Variants in C19orf47 observed in about 807,000 individuals in gnomAD.
C19orf47 encodes uncharacterized protein C19orf47.
In C19orf47, 18 loss-of-function variants were observed where a neutral mutation model predicts 32.3. That is an observed-to-expected ratio of 0.56 (90% CI 0.39 to 0.83). The LOEUF is 0.83. Ranked by LOEUF, C19orf47 falls within the 40% of genes least tolerant of loss-of-function variation. The probability of loss-of-function intolerance (pLI) is 0.00; values close to 1 mark genes in which losing one functional copy is unlikely to be tolerated. For synonymous variants in C19orf47, 202 were observed against 211.1 expected, an observed-to-expected ratio of 0.96 and a Z score of 0.37; for missense variants, 484 against 531.6, an observed-to-expected ratio of 0.91 and a Z score of 0.88.
At chr19:40,312,329 C>T in the C19orf47 span, among the ~76,000 whole-genome samples, 11 of 152,128 alleles carry the variant, frequency 7.2e-5, no homozygotes, top group African/African-American at 2.2e-4. Context: ...GGTCGGATCA[C>T]GAGGTCGAGA....
intron 7 of C19orf47, among the ~76,000 whole-genome samples, chr19:40,325,234 C>T (rs2077804859): frequency 6.6e-6 from 1 of 150,846 alleles, no homozygotes; most frequent in Non-Finnish European, 1.5e-5. Context: ...TGTGCCACTG[C>T]ACTCCAGCCT....
At chr19:40,315,104 A>G (rs1267426644), downstream of C19orf47, among the ~76,000 whole-genome samples, 1 of 152,216 alleles carries the variant, frequency 6.6e-6, no homozygotes, top group Admixed American at 6.6e-5. Flanking sequence ...AAATGTCTGG[A>G]GCCAGAATGT....
chr19:40,327,975 G>A (rs1203581397), intron 6 of C19orf47, among the ~76,000 whole-genome samples: 2 of 152,190 alleles, frequency 1.3e-5, no homozygotes, highest in Non-Finnish European at 1.5e-5. Flanking sequence ...TTACAGCCCA[G>A]GGGGTTACAG....
At position 40,348,217 on chromosome 19, in the gene C19orf47, G is replaced by GT. The variant is rs1425138896; in HGVS notation, c.-34+106dup. The GT allele has an allele frequency of 7.2e-6, 5 of 694,804 alleles. No individual in the cohort carries two copies. In the East Asian group the frequency reaches 1.5e-4, roughly 21 times the overall value. The allele number at this position is 694,804 out of a possible 1,614,324, so 43.0% of individuals were successfully genotyped here. On this transcript the variant is annotated intron_variant, in intron 1 of 8. Transcript: ENST00000683109. ...AAACTGAGGCTCAAAGAAACAAATC[G>GT]TAAGTCCGAAGCCGTACAACGGAGC...
At position 40,321,748 on chromosome 19, in the gene C19orf47, G is replaced by A. The variant is rs1345289705; in HGVS notation, c.*134C>T. 5.6e-6 allele frequency: 8 copies of A among 1,435,446 alleles called. No homozygotes were observed. The highest frequency in any genetic ancestry group is 7.3e-6 in the Non-Finnish European group (8 of 1,099,582). The allele number at this position is 1,435,446 out of a possible 1,614,324, so 88.9% of individuals were successfully genotyped here. A position where few individuals can be genotyped will look rare whatever the true frequency, so the allele number is the denominator to read the frequency against. ...ATGGGGTGATCCCCCGAATGCTCGG[G>A]CCTAGCTCTAGAGCCCGAGGGAGAC... On this transcript the variant is annotated 3_prime_UTR_variant, in exon 9 of 9. Transcript: ENST00000683109.
downstream of C19orf47, among the ~76,000 whole-genome samples, chr19:40,317,269 A>G (rs1050455390): frequency 6.6e-6 from 1 of 151,910 alleles, no homozygotes; most frequent in African/African-American, 2.4e-5. Context: ...GATCCACCAA[A>G]CGTGGCTGTG....
chr19:40,294,280 C>G, the C19orf47 span, among the ~76,000 whole-genome samples: 1 of 152,120 alleles, frequency 6.6e-6, no homozygotes, highest in Non-Finnish European at 1.5e-5. Context: ...ACCACATTAG[C>G]CCCCCAGATC....
Position 40,336,345 on chromosome 19 carries a change from A to T in C19orf47, c.82T>A (p.Tyr28Asn), listed in dbSNP as rs1287720652. 2 of 1,614,062 alleles carry T rather than the reference A, an allele frequency of 1.2e-6. No homozygotes were observed. ...AGIPPGPAVN[Y>N]AVMFVDNRIQ... is the part of the protein sequence containing the mutation. Reference sequence around the variant, plus strand: ...CTATTATCCACAAACATCACGGCATAATTGACGGCAGGTCCTGGAGGAATG... The same window carrying T: ...CTATTATCCACAAACATCACGGCATTATTGACGGCAGGTCCTGGAGGAATG... Residue 28 changes from tyrosine to asparagine, a missense_variant, in exon 3 of 9, where the codon TAT becomes AAT. By Grantham distance (143) the Tyr-to-Asn change is moderately radical (BLOSUM62 -2). This residue lies in a region of C19orf47 where 57 missense variants were observed against 86.9 expected (regional missense o/e 0.66). Transcript: ENST00000683109.
rs1313460075 is a variant in C19orf47 at position 40,328,668 on chromosome 19, G to A, written c.302-118C>T. On this transcript the variant is annotated intron_variant, in intron 5 of 8. Transcript: ENST00000683109. ...TTGAGACTGAATGAGAAGGTCAGCGGGTATCACCCTGTAACTGCATGGTAC... is the reference window on the plus strand; with the variant it reads ...TTGAGACTGAATGAGAAGGTCAGCGAGTATCACCCTGTAACTGCATGGTAC... 2.2e-6 allele frequency: 3 copies of A among 1,343,020 alleles called. No individual in the cohort carries two copies. In the African/African-American group the frequency reaches 4.4e-5, roughly 20 times the overall value. The allele number at this position is 1,343,020 out of a possible 1,614,324, so 83.2% of individuals were successfully genotyped here.
At chr19:40,335,502 T>G (rs943831767) in intron 4 of C19orf47, among the ~76,000 whole-genome samples, 1 of 152,174 alleles carries the variant, frequency 6.6e-6, no homozygotes, top group African/African-American at 2.4e-5. Context: ...TCCCAGTATT[T>G]TGGGAGACCG....
chr19:40,348,240 A>G, intron 1 of C19orf47, 84 bp downstream of exon 1: 1 of 942,046 alleles, frequency 1.1e-6, no homozygotes. Context: ...CGTACAACGG[A>G]GCCCGAACTG....
rs904255401 is a variant in C19orf47 at position 40,321,588 on chromosome 19, C to T, written c.*294G>A. ...GGGGAATGTAGGAGAGGAAGAAGCC[C>T]CCTGGCACTTGGGAGAGGTAGAAAA... On this transcript the variant is annotated 3_prime_UTR_variant, in exon 9 of 9. Transcript: ENST00000683109. 2 of 1,184,120 alleles carry T rather than the reference C, an allele frequency of 1.7e-6. No homozygotes were observed. The highest frequency in any genetic ancestry group is 2.1e-6 in the Non-Finnish European group (2 of 954,072). 73.4% of individuals were successfully genotyped at this position (1,184,120 alleles called of 1,614,324 possible).
chr19:40,321,512 G>A lies in C19orf47; in HGVS notation c.*370C>T, dbSNP rs961788176. ...ACACCCACTTAGTTGAGGGGGACAG[G>A]GAGGCTGATGAGCTGGGGTCTGAGG... On this transcript the variant is annotated 3_prime_UTR_variant, in exon 9 of 9. Transcript: ENST00000683109. 15 of 1,040,962 alleles carry A rather than the reference G, an allele frequency of 1.4e-5. No homozygotes were observed. Among genetic ancestry groups the A allele is most frequent in the Non-Finnish European group, 1.6e-5 (14 of 864,102 alleles). The allele number at this position is 1,040,962 out of a possible 1,614,324, so 64.5% of individuals were successfully genotyped here.
At chr19:40,307,842 A>G in the C19orf47 span, among the ~76,000 whole-genome samples, 2 of 150,754 alleles carry the variant, frequency 1.3e-5, no homozygotes, top group East Asian at 3.9e-4. Context: ...TCTATCACCC[A>G]GGCTGGAGTG....
chr19:40,309,443 C>A, the C19orf47 span, among the ~76,000 whole-genome samples: 8 of 152,126 alleles, frequency 5.3e-5, no homozygotes, highest in Admixed American at 3.9e-4. Context: ...CCGGCCTCAG[C>A]CTCCCAAAGT....
At chr19:40,324,942 A>G (rs372938550) in intron 7 of C19orf47, among the ~76,000 whole-genome samples, 1 of 151,720 alleles carries the variant, frequency 6.6e-6, no homozygotes, top group East Asian at 1.9e-4. Flanking sequence ...CCCAGGCAAC[A>G]GAGCAAGACT....
At chr19:40,302,243 G>T in the C19orf47 span, among the ~76,000 whole-genome samples, 1 of 152,080 alleles carries the variant, frequency 6.6e-6, no homozygotes, top group Non-Finnish European at 1.5e-5. Context: ...TTTAATAAGA[G>T]ACCAACCTTA....
At chr19:40,304,163 T>C in the C19orf47 span, among the ~76,000 whole-genome samples, 1 of 152,158 alleles carries the variant, frequency 6.6e-6, no homozygotes, top group Admixed American at 6.6e-5. Context: ...TAATCTGATT[T>C]TTCTGTCATC....
chr19:40,328,386 T>C lies in C19orf47; in HGVS notation c.439+27A>G, dbSNP rs68001945. The C allele has an allele frequency of 5.4e-3, 8,650 of 1,609,764 alleles. 289 individuals carry two copies. The African/African-American group carries it at 0.084, about 16-fold the overall frequency. On this transcript the variant is annotated intron_variant, in intron 6 of 8. Transcript: ENST00000683109. ...CCAACCCACGTTCCCCTCCAGCTCC[T>C]CCTACCACCTGCCCATGTTCCCTCA...
Sources: allele counts gnomAD v4.1 joint callset (sites outside exome capture counted in the v4.1 genomes callset), GRCh38; gene constraint gnomAD v4.1.1; regional missense constraint gnomAD v4.1.1; transcripts MANE v1.5; gene names NCBI Gene and HGNC (gene_info 2026-07-23, HGNC 2026-07-21).